Variants in PREX2 observed in about 807,000 individuals in gnomAD.
PREX2 encodes phosphatidylinositol-3,4,5-trisphosphate dependent Rac exchange factor 2.
PREX2 carries 107 observed loss-of-function variants against 203.2 expected under a neutral mutation model. That is an observed-to-expected ratio of 0.53 (90% CI 0.45 to 0.62). The LOEUF (loss-of-function observed/expected upper bound fraction) is 0.62. PREX2 is among the 20% of genes least tolerant of loss of function. The pLI is 0.00. For synonymous variants in PREX2, 672 were observed against 663.6 expected, an observed-to-expected ratio of 1.01 and a Z score of -0.19; for missense variants, 1,777 against 1,955.9, an observed-to-expected ratio of 0.91 and a Z score of 1.72.
intron 5 of PREX2, 50 bp from the exon 6 acceptor site, chr8:68,030,447 A>T (rs756011440): frequency 5.7e-6 from 9 of 1,588,456 alleles, no homozygotes; most frequent in African/African-American, 1.3e-5. Flanking sequence ...AACCTGCTGT[A>T]CCAGAAAGCT....
chr8:68,061,858 A>G (rs1808865746), intron 11 of PREX2, among the ~76,000 whole-genome samples: 2 of 152,214 alleles, frequency 1.3e-5, no homozygotes, highest in Non-Finnish European at 2.9e-5. Context: ...GGGAACACTG[A>G]CAATGAACAG....
At chr8:67,975,273 T>G (rs973582559) in intron 1 of PREX2, among the ~76,000 whole-genome samples, 4 of 44,488 alleles carry the variant, frequency 9.0e-5, no homozygotes, top group African/African-American at 3.1e-4. Flanking sequence ...ACACGGCCTG[T>G]TTTTTTTTTT....
intron 3 of PREX2, 59 bp downstream of exon 3, chr8:68,019,730 T>A: frequency 6.6e-7 from 1 of 1,516,182 alleles, no homozygotes; most frequent in South Asian, 1.2e-5. Flanking sequence ...GAGATTTAGC[T>A]CTTGGCATAG....
intron 21 of PREX2, 111 bp from the exon 22 acceptor site, chr8:68,096,906 T>C (rs1810095199): frequency 1.2e-6 from 1 of 829,118 alleles, no homozygotes; most frequent in East Asian, 2.6e-5. Context: ...ACATCAGATT[T>C]AACCATCCCT....
At chr8:68,098,274 A>AT (rs745774969) in intron 22 of PREX2, among the ~76,000 whole-genome samples, 2 of 152,190 alleles carry the variant, frequency 1.3e-5, no homozygotes, top group Non-Finnish European at 2.9e-5. Flanking sequence ...CTCTGTTTGA[A>AT]TTGTTGTTTA....
At chr8:68,149,685 C>T (rs1811395494) in intron 34 of PREX2, among the ~76,000 whole-genome samples, 2 of 152,282 alleles carry the variant, frequency 1.3e-5, no homozygotes, top group South Asian at 4.1e-4. Flanking sequence ...TACTTAGCTG[C>T]ACATTAATGA....
At chr8:68,083,589 T>C (rs1809595553) in intron 18 of PREX2, among the ~76,000 whole-genome samples, 1 of 152,226 alleles carries the variant, frequency 6.6e-6, no homozygotes. Context: ...ACTTGAATCA[T>C]GTAGTTTTAG....
chr8:68,173,390 A>G (rs950976844), intron 35 of PREX2, among the ~76,000 whole-genome samples: 1 of 152,222 alleles, frequency 6.6e-6, no homozygotes, highest in African/African-American at 2.4e-5. Flanking sequence ...TTGTAGTGAC[A>G]CTTTGAAAAC....
At chr8:67,986,751 T>C (rs1348537264) in intron 1 of PREX2, among the ~76,000 whole-genome samples, 3 of 152,152 alleles carry the variant, frequency 2.0e-5, no homozygotes, top group African/African-American at 7.2e-5. Context: ...AGAGTAACAG[T>C]AAGGCCAAGA....
chr8:68,071,836 G>C (rs1809203791), intron 13 of PREX2, among the ~76,000 whole-genome samples: 1 of 152,130 alleles, frequency 6.6e-6, no homozygotes, highest in Admixed American at 6.5e-5. Context: ...GGGCAGAGCT[G>C]TGAGAATAAT....
chr8:68,122,861 C>T (rs895426839), intron 30 of PREX2, among the ~76,000 whole-genome samples: 13 of 152,106 alleles, frequency 8.5e-5, no homozygotes, highest in Admixed American at 8.5e-4. Flanking sequence ...GTGTTATTGT[C>T]TGAGAGAGTG....
At chr8:67,978,531 T>C (rs576575595) in intron 1 of PREX2, among the ~76,000 whole-genome samples, 1 of 152,320 alleles carries the variant, frequency 6.6e-6, no homozygotes, top group African/African-American at 2.4e-5. Flanking sequence ...TATTATTGAC[T>C]GGAGCTGTGG....
chr8:68,199,736 G>A (rs1812466483), intron 37 of PREX2, among the ~76,000 whole-genome samples: 1 of 152,104 alleles, frequency 6.6e-6, no homozygotes, highest in African/African-American at 2.4e-5. Flanking sequence ...ACCCACTTTT[G>A]TTGGAACTTT....
In PREX2 at chr8:68,194,828, G is replaced by A. The variant is rs189347453; in HGVS notation, c.4604+2303G>A. ...AAAAAAAAAAAATATGAAGGAGTGG[G>A]TCATGCAGATATCTCAGAGAAAGAG... On this transcript the variant is annotated intron_variant, in intron 37 of 39. Coordinates refer to ENST00000288368, the MANE Select transcript of PREX2 (RefSeq NM_024870.4). 7.9e-5 allele frequency among the ~76,000 whole-genome samples: 12 copies of A among 151,602 alleles called. No individual in the cohort carries two copies. The East Asian group carries it at 1.6e-3, about 20-fold the overall frequency.
chr8:68,224,729 G>T, intron 39 of PREX2, 103 bp downstream of exon 39: 2 of 780,260 alleles, frequency 2.6e-6, no homozygotes, highest in South Asian at 3.3e-5. Context: ...GCCCCGTGTC[G>T]TACTGATTGT....
chr8:68,177,826 C>T (rs1361989132), intron 35 of PREX2, among the ~76,000 whole-genome samples: 6 of 151,852 alleles, frequency 4.0e-5, no homozygotes, highest in Non-Finnish European at 1.5e-5. Flanking sequence ...TGTTGTTCCC[C>T]CCACCCCCTT....
rs1021770943 is a variant in PREX2 at position 67,952,208 on chromosome 8, G to T, written c.-187G>T. On this transcript the variant is annotated 5_prime_UTR_variant, in exon 1 of 40. Coordinates refer to ENST00000288368, the MANE Select transcript of PREX2 (RefSeq NM_024870.4). ...CAGAGCCCCGCGCCCCCCGCGCCGG[G>T]ATTTCAGCCCGATCCCCTCCTCTCC... 1.3e-5 allele frequency: 6 copies of T among 451,650 alleles called. No individual in the cohort carries two copies. Among genetic ancestry groups the T allele is most frequent in the Non-Finnish European group, 2.1e-5 (6 of 282,766 alleles). 28.0% of individuals were successfully genotyped at this position (451,650 alleles called of 1,614,324 possible). A position where few individuals can be genotyped will look rare whatever the true frequency, so the allele number is the denominator to read the frequency against.
intron 28 of PREX2, 132 bp from the exon 29 acceptor site, chr8:68,120,064 G>C: frequency 1.8e-6 from 1 of 546,050 alleles, no homozygotes. Context: ...TGTAAAGATC[G>C]ATTTCACAAG....
At chr8:68,052,531 T>C (rs1283689726) in intron 8 of PREX2, among the ~76,000 whole-genome samples, 1 of 152,232 alleles carries the variant, frequency 6.6e-6, no homozygotes, top group African/African-American at 2.4e-5. Flanking sequence ...TTAAAGAGTG[T>C]ATGTCTTGAC....
Sources: allele counts gnomAD v4.1 joint callset (sites outside exome capture counted in the v4.1 genomes callset), GRCh38; gene constraint gnomAD v4.1.1; transcripts MANE v1.5; gene names NCBI Gene and HGNC (gene_info 2026-07-23, HGNC 2026-07-21).